KIAA0513: variants seen among roughly 807,000 people sequenced by gnomAD.
KIAA0513 encodes the protein uncharacterized protein KIAA0513.
Under a neutral mutation model 56.5 loss-of-function variants are expected in KIAA0513, and 39 were observed. The observed-to-expected ratio is 0.69, with a 90% CI of 0.53 to 0.90. The LOEUF (loss-of-function observed/expected upper bound fraction) is 0.90, where lower values mean the gene tolerates loss of function less well. Among genes scored for constraint, KIAA0513 ranks in the 40% least tolerant of loss-of-function variants. KIAA0513 has a pLI of 0.00. For missense variants in KIAA0513, 591 were observed against 535.2 expected (o/e 1.10, Z -1.03); for synonymous variants, 268 against 215.6 (o/e 1.24, Z -2.13).
In KIAA0513 at chr16:85,091,627, C is replaced by G. The variant is rs149720162; in HGVS notation, c.*3302C>G. 2.6e-5 allele frequency: 4 copies of G among 152,354 alleles called. No individual in the cohort carries two copies. The highest frequency in any genetic ancestry group is 5.9e-5 in the Non-Finnish European group (4 of 68,044). The allele number at this position is 152,354 out of a possible 1,614,324, so 9.4% of individuals were successfully genotyped here. ...GGGGGAATCACAGACATCACCAAGT[C>G]TCGTCTTCTTTCCTTCCTGTGAGTT... is the stretch of plus-strand genomic sequence containing the variant. On this transcript the variant is annotated 3_prime_UTR_variant, in exon 13 of 13. Transcript: ENST00000683363.
intron 12 of KIAA0513, 47 bp downstream of exon 12, chr16:85,087,213 C>A: frequency 6.7e-7 from 1 of 1,487,802 alleles, no homozygotes; most frequent in Non-Finnish European, 9.4e-7. Context: ...GGGCTGGGGT[C>A]AGGAGCCAGT....
chr16:85,074,342 A>ACACACACG (rs1491496745), intron 4 of KIAA0513, among the ~76,000 whole-genome samples: 15 of 121,802 alleles, frequency 1.2e-4, no homozygotes, highest in African/African-American at 4.9e-4. Context: ...ATATACACAC[A>ACACACACG]TACACACACA....
intron 1 of KIAA0513, among the ~76,000 whole-genome samples, chr16:85,060,842 TA>T (rs76957998): frequency 3.7e-3 from 439 of 118,040 alleles, no homozygotes; most frequent in Admixed American, 3.5e-3. Flanking sequence ...TGAACCTATC[TA>T]AAAAAAAAAA....
At chr16:85,051,825 T>G (rs1280957183) in intron 1 of KIAA0513, among the ~76,000 whole-genome samples, 1 of 151,802 alleles carries the variant, frequency 6.6e-6, no homozygotes, top group Non-Finnish European at 1.5e-5. Context: ...TCTCATGTTT[T>G]TTTTTTTTTT....
intron 8 of KIAA0513, chr16:85,079,646 G>A (rs1425977695): frequency 6.6e-6 from 1 of 152,602 alleles, no homozygotes; most frequent in Non-Finnish European, 1.5e-5. Context: ...TGGGGAATGG[G>A]GAGCAGGGCG....
chr16:85,079,190 T>G (rs933325782), intron 8 of KIAA0513, 187 bp downstream of exon 8: 5 of 1,277,992 alleles, frequency 3.9e-6, no homozygotes, highest in East Asian at 5.1e-5. Flanking sequence ...GGAGCTCTCC[T>G]GTATGGCTAG....
intron 10 of KIAA0513, among the ~76,000 whole-genome samples, chr16:85,082,812 C>G (rs967772992): frequency 6.6e-6 from 1 of 152,222 alleles, no homozygotes; most frequent in Non-Finnish European, 1.5e-5. Flanking sequence ...GGGAGCCTGC[C>G]AAGGCCGGAG....
intron 10 of KIAA0513, 78 bp downstream of exon 10, chr16:85,082,671 A>T: frequency 6.8e-7 from 1 of 1,464,710 alleles, no homozygotes; most frequent in Non-Finnish European, 9.6e-7. Flanking sequence ...GGGGCTGTGC[A>T]CTGTGCTGAG....
At chr16:85,065,418 C>G (rs1235900177) in intron 1 of KIAA0513, among the ~76,000 whole-genome samples, 1 of 152,220 alleles carries the variant, frequency 6.6e-6, no homozygotes, top group African/African-American at 2.4e-5. Context: ...TTCTACTGAG[C>G]TGAGGTTTAT....
At chr16:85,088,050 C>T (rs916802449) in intron 12 of KIAA0513, among the ~76,000 whole-genome samples, 2 of 152,258 alleles carry the variant, frequency 1.3e-5, no homozygotes, top group African/African-American at 4.8e-5. Flanking sequence ...CTGCTTGCCC[C>T]ACAGGCGGCG....
chr16:85,048,292 C>A (rs2073199440), intron 1 of KIAA0513, among the ~76,000 whole-genome samples: 2 of 152,174 alleles, frequency 1.3e-5, no homozygotes, highest in Non-Finnish European at 2.9e-5. Context: ...CTTCGACCGT[C>A]AGCACGCGAG....
chr16:85,078,917 T>C lies in KIAA0513; in HGVS notation c.824-8T>C. ...AGCTGCTTTCAGCCATTCTCTCTCC[T>C]CCCACAGTGACCGCGTACAGCCCCG... On this transcript the variant is annotated splice_region_variant and splice_polypyrimidine_tract_variant and intron_variant, in intron 7 of 12. Coordinates refer to ENST00000683363, the MANE Select transcript of KIAA0513 (RefSeq NM_001388359.1). 1 of 1,614,056 alleles carries C rather than the reference T, an allele frequency of 6.2e-7. No individual in the cohort carries two copies. The highest frequency in any genetic ancestry group is 8.5e-7 in the Non-Finnish European group (1 of 1,179,994).
Position 85,076,061 on chromosome 16 carries a change from T to A in KIAA0513, c.574+147T>A. On this transcript the variant is annotated intron_variant, in intron 5 of 12. Coordinates refer to ENST00000683363, the MANE Select transcript of KIAA0513 (RefSeq NM_001388359.1). The surrounding 1 kb of genome is among the most constrained non-coding windows in gnomAD (Gnocchi z 4.7). Reference sequence around the variant, plus strand: ...AGCTGATGTTAGGGAGGAGTGAGACTTCGGAGAAAACACAGTCCGAATCAT... The same window carrying A: ...AGCTGATGTTAGGGAGGAGTGAGACATCGGAGAAAACACAGTCCGAATCAT... 1.6e-6 allele frequency: 1 copy of A among 642,926 alleles called. No homozygotes were observed. The highest frequency in any genetic ancestry group is 2.8e-6 in the Non-Finnish European group (1 of 357,910). The allele number at this position is 642,926 out of a possible 1,614,324, so 39.8% of individuals were successfully genotyped here.
At chr16:85,069,816 G>A (rs187003126) in intron 2 of KIAA0513, among the ~76,000 whole-genome samples, 111 of 152,256 alleles carry the variant, frequency 7.3e-4, no homozygotes, top group African/African-American at 2.6e-3. Flanking sequence ...GTTCTTACAC[G>A]TCAGCGTCTG....
At chr16:85,050,285 G>T (rs2073231892) in intron 1 of KIAA0513, among the ~76,000 whole-genome samples, 2 of 151,808 alleles carry the variant, frequency 1.3e-5, no homozygotes, top group African/African-American at 4.8e-5. Context: ...GAAAAAACAA[G>T]AAATTTCAAA....
chr16:85,052,498 G>T (rs993720081), intron 1 of KIAA0513, among the ~76,000 whole-genome samples: 3 of 152,174 alleles, frequency 2.0e-5, no homozygotes, highest in African/African-American at 4.8e-5. Flanking sequence ...TGGGCAACAA[G>T]AGCAAAACCC....
chr16:85,068,684 C>G (rs936381094), intron 2 of KIAA0513, among the ~76,000 whole-genome samples: 1 of 152,116 alleles, frequency 6.6e-6, no homozygotes, highest in Non-Finnish European at 1.5e-5. Context: ...CCAGGCTGGT[C>G]TCGAACTCCT....
intron 1 of KIAA0513, among the ~76,000 whole-genome samples, chr16:85,034,951 G>C (rs901711716): frequency 6.6e-6 from 1 of 152,172 alleles, no homozygotes; most frequent in African/African-American, 2.4e-5. Flanking sequence ...TCACCTTTGA[G>C]ACCCCCTGTC....
chr16:85,068,855 C>T (rs1217270112), intron 2 of KIAA0513, among the ~76,000 whole-genome samples: 4 of 152,138 alleles, frequency 2.6e-5, no homozygotes, highest in Admixed American at 1.3e-4. Context: ...TTGCTAAACA[C>T]AAGGGGCACT....
Sources: gnomAD v4.1 joint callset for allele counts (sites outside exome capture counted in the v4.1 genomes callset) on GRCh38, gnomAD v4.1.1 for gene constraint, Gnocchi (gnomAD v3.1) non-coding constraint, MANE v1.5 for transcripts, NCBI Gene and HGNC (gene_info 2026-07-23, HGNC 2026-07-21) for gene names.